Variants in CNIH3 observed in about 807,000 individuals in gnomAD.
CNIH3 encodes the protein protein cornichon homolog 3.
A neutral mutation model predicts 24.1 loss-of-function variants in CNIH3; 14 were observed. The ratio of observed to expected loss-of-function variants is 0.58; its 90% CI spans 0.38 to 0.91. CNIH3 has a LOEUF of 0.91. Among genes scored for constraint, CNIH3 ranks in the 40% least tolerant of loss-of-function variants. The pLI is 0.00. For missense variants in CNIH3, 178 were observed against 196.8 expected, an observed-to-expected ratio of 0.90 and a Z score of 0.57; for synonymous variants, 68 against 73.8, an observed-to-expected ratio of 0.92 and a Z score of 0.40.
intron 1 of CNIH3, among the ~76,000 whole-genome samples, chr1:224,488,414 G>A (rs767105710): frequency 5.1e-5 from 6 of 116,920 alleles, no homozygotes; most frequent in Non-Finnish European, 8.1e-5. Flanking sequence ...GTTCACTGAC[G>A]CTTTCTTCTA....
rs377042206 is a variant in CNIH3, at chr1:224,520,630, T to C, written n.16-370T>C. On this transcript the variant is annotated intron_variant and non_coding_transcript_variant, in intron 1 of 2. Transcript: ENST00000470602. ...ATACAAAGTGAAGTGAGAACAGTGA[T>C]AGAGGTTCTGGGACAGGAAGTGCAT... is the stretch of plus-strand genomic sequence containing the variant. 3.9e-5 allele frequency among the ~76,000 whole-genome samples: 6 copies of C among 152,364 alleles called. No homozygotes were observed. In the East Asian group the frequency reaches 9.6e-4, roughly 24 times the overall value.
At chr1:224,665,132 AG>A (rs1236762058) in intron 1 of CNIH3, among the ~76,000 whole-genome samples, 2 of 152,202 alleles carry the variant, frequency 1.3e-5, no homozygotes, top group African/African-American at 4.8e-5. Flanking sequence ...GTTAATTAGT[AG>A]GTCTTGGACA....
At chr1:224,560,985 T>A (rs1185490626) in intron 3 of CNIH3, among the ~76,000 whole-genome samples, 1 of 152,198 alleles carries the variant, frequency 6.6e-6, no homozygotes, top group Non-Finnish European at 1.5e-5. Context: ...TGATTAATGA[T>A]ATTCAGCACC....
rs1188515025 is a variant in CNIH3 at position 224,443,697 on chromosome 1, A to C, written n.203+8835A>C. On this transcript the variant is annotated intron_variant and non_coding_transcript_variant, in intron 1 of 5. Coordinates refer to the CNIH3 transcript ENST00000471578. ...TAGATAGATAGATATCTATAGATAT[A>C]GATATATATATATATTTTTTTAGGC... Among the ~76,000 whole-genome samples, 672 of 130,474 alleles carry C rather than the reference A, an allele frequency of 5.2e-3. 1 individual carries two copies. The highest frequency in any genetic ancestry group is 8.5e-3 in the Middle Eastern group (2 of 236). 85.6% of individuals were successfully genotyped at this position (130,474 alleles called of 152,430 possible).
intron 1 of CNIH3, among the ~76,000 whole-genome samples, chr1:224,440,195 A>G (rs1027764017): frequency 2.0e-5 from 3 of 152,304 alleles, no homozygotes; most frequent in Non-Finnish European, 4.4e-5. Context: ...TGCTGGGATT[A>G]CAGGCATGGG....
chr1:224,720,202 G>A (rs1688637102), intron 3 of CNIH3, among the ~76,000 whole-genome samples: 1 of 151,588 alleles, frequency 6.6e-6, no homozygotes, highest in African/African-American at 2.4e-5. Flanking sequence ...AAGCTGCTGA[G>A]TGTAACAGGT....
upstream of CNIH3, among the ~76,000 whole-genome samples, chr1:224,515,148 A>G (rs150417756): frequency 6.6e-6 from 1 of 152,336 alleles, no homozygotes; most frequent in Non-Finnish European, 1.5e-5. Flanking sequence ...CTGGAAGGTG[A>G]AAGCCAAGAA....
intron 1 of CNIH3, among the ~76,000 whole-genome samples, chr1:224,641,622 C>T (rs1684365149): frequency 6.6e-6 from 1 of 152,246 alleles, no homozygotes; most frequent in Non-Finnish European, 1.5e-5. Flanking sequence ...GCTAAGAGCA[C>T]AAATGCTGCA....
At chr1:224,580,890 A>G (rs1237281714) in intron 4 of CNIH3, among the ~76,000 whole-genome samples, 6 of 152,282 alleles carry the variant, frequency 3.9e-5, no homozygotes, top group East Asian at 1.9e-4. Flanking sequence ...TTTACATAAG[A>G]TAAACACAGA....
chr1:224,579,143 T>C (rs934360953), intron 4 of CNIH3, among the ~76,000 whole-genome samples: 2 of 152,056 alleles, frequency 1.3e-5, no homozygotes, highest in Admixed American at 1.3e-4. Flanking sequence ...TTTTAACATC[T>C]TGCCCTTGAG....
At chr1:224,681,453 C>T (rs945838041) in intron 2 of CNIH3, among the ~76,000 whole-genome samples, 1 of 152,182 alleles carries the variant, frequency 6.6e-6, no homozygotes, top group Non-Finnish European at 1.5e-5. Context: ...GCACAAAGTC[C>T]CTGGCGCCAT....
At position 224,610,618 on chromosome 1, in the gene CNIH3, T is replaced by C. The variant is rs147634136; in HGVS notation, n.402+44354T>C. On this transcript the variant is annotated intron_variant and non_coding_transcript_variant, in intron 3 of 7. Coordinates refer to the CNIH3 transcript ENST00000478120. Reference sequence around the variant, plus strand: ...TTATAAATTACCCAGTCTCAGGTAGTATCTTTATAGCAGTGTGAAAACAGA... The same window carrying C: ...TTATAAATTACCCAGTCTCAGGTAGCATCTTTATAGCAGTGTGAAAACAGA... 4.7e-3 allele frequency among the ~76,000 whole-genome samples: 722 copies of C among 152,354 alleles called. 10 individuals carry two copies. The highest frequency in any genetic ancestry group is 0.017 in the African/African-American group (692 of 41,582).
chr1:224,487,097 T>C (rs1677059626), intron 1 of CNIH3, among the ~76,000 whole-genome samples: 1 of 152,218 alleles, frequency 6.6e-6, no homozygotes, highest in South Asian at 2.1e-4. Context: ...TTCTATTTTC[T>C]AACAGAAATA....
intron 3 of CNIH3, among the ~76,000 whole-genome samples, chr1:224,725,372 C>T (rs1688967927): frequency 6.6e-6 from 1 of 152,182 alleles, no homozygotes; most frequent in Admixed American, 6.5e-5. Flanking sequence ...TAAGACTCAG[C>T]ATGGGTAGCT....
At position 224,644,892 on chromosome 1, in the gene CNIH3, G is replaced by C. The variant is rs147244735; in HGVS notation, c.81+27637G>C. ...TGCATGCACCTCCACTGAGCTGGGG[G>C]CACTGGAGAAGGACAGTGGCTTCTG... On this transcript the variant is annotated intron_variant, in intron 1 of 5. Coordinates refer to ENST00000272133, the MANE Select transcript of CNIH3 (RefSeq NM_152495.2). 2.6e-3 allele frequency among the ~76,000 whole-genome samples: 391 copies of C among 152,314 alleles called. 3 individuals carry two copies. The highest frequency in any genetic ancestry group is 9.1e-3 in the African/African-American group (378 of 41,584).
At chr1:224,449,810 CTT>C (rs1273822666) in intron 1 of CNIH3, among the ~76,000 whole-genome samples, 24 of 152,120 alleles carry the variant, frequency 1.6e-4, no homozygotes, top group Non-Finnish European at 2.9e-4. Context: ...CAATACCTGT[CTT>C]TGGAGGCCCA....
At chr1:224,634,443 C>T (rs1683981998) in intron 1 of CNIH3, among the ~76,000 whole-genome samples, 1 of 152,028 alleles carries the variant, frequency 6.6e-6, no homozygotes, top group Non-Finnish European at 1.5e-5. Context: ...GTGGCACGCG[C>T]CTGTAGTCCC....
intron 3 of CNIH3, among the ~76,000 whole-genome samples, chr1:224,718,618 G>A (rs753789330): frequency 6.6e-6 from 1 of 152,126 alleles, no homozygotes; most frequent in African/African-American, 2.4e-5. Flanking sequence ...AAAGTGAGGG[G>A]ACCAGTTAGG....
chr1:224,564,596 G>A (rs192193789), intron 3 of CNIH3, among the ~76,000 whole-genome samples: 26 of 152,366 alleles, frequency 1.7e-4, no homozygotes, highest in Admixed American at 1.2e-3. Context: ...ATGCATCCAT[G>A]TGACCAGAAG....
Sources: gnomAD v4.1 joint callset for allele counts (sites outside exome capture counted in the v4.1 genomes callset) on GRCh38, gnomAD v4.1.1 for gene constraint, MANE v1.5 for transcripts, NCBI Gene and HGNC (gene_info 2026-07-23, HGNC 2026-07-21) for gene names.